The following KCNK4 variants were observed in gnomAD, a reference collection of about 807,000 sequenced individuals.
The protein encoded by KCNK4 is potassium two pore domain channel subfamily K member 4.
KCNK4 carries 22 observed loss-of-function variants against 28.8 expected under a neutral mutation model. The ratio of observed to expected loss-of-function variants is 0.76; its 90% CI spans 0.55 to 1.09. KCNK4 has a LOEUF of 1.09. Among genes scored for constraint, KCNK4 ranks in the 50% least tolerant of loss-of-function variants. The pLI, the probability that KCNK4 is intolerant of heterozygous loss-of-function variation, is 0.00. For synonymous variants in KCNK4, 263 were observed against 252.9 expected (o/e 1.04, Z -0.38); for missense variants, 483 against 546.3 (o/e 0.88, Z 1.15).
At chr11:64,297,331 C>T (rs1363822646) in intron 4 of KCNK4, 52 bp downstream of exon 4, 13 of 1,582,592 alleles carry the variant, frequency 8.2e-6, no homozygotes, top group Non-Finnish European at 1.1e-5. Context: ...GGCTACCCTT[C>T]CCCATGTCCC....
intron 6 of KCNK4, among the ~76,000 whole-genome samples, chr11:64,299,050 GAAAAAAAAAAAAAA>G (rs56097945): frequency 1.2e-5 from 1 of 85,076 alleles, no homozygotes; most frequent in East Asian, 3.9e-4. Flanking sequence ...AAAAAAAGAA[GAAAAAAAAAAAAAA>G]AAAAAAAAAG....
chr11:64,299,261 C>A, intron 6 of KCNK4, 85 bp from the exon 7 acceptor site: 1 of 1,261,582 alleles, frequency 7.9e-7, no homozygotes, highest in Non-Finnish European at 1.1e-6. Context: ...GGGGTTTGAT[C>A]CCTGCTGGTG....
rs769680927 is a variant in KCNK4, at chr11:64,299,680, G to C, written c.1136G>C (p.Arg379Pro). The change falls in exon 7 of 7, where the codon CGG (arginine) becomes CCG (proline). Residue 379 changes from arginine (R) to proline (P), a missense_variant. Coordinates refer to ENST00000422670, the MANE Select transcript of KCNK4 (RefSeq NM_033310.3). ...CCAAATCCCCCCAGGAAGCCCGTGC[G>C]GCCCCGCGGCCCCGGGCGTCCCCGA... is the stretch of plus-strand genomic sequence containing the variant. The part of the protein sequence containing the change: ...RRPNPPRKPV[R>P]PRGPGRPRDK... 5 of 1,580,004 alleles carry C rather than the reference G, an allele frequency of 3.2e-6. No homozygotes were observed. In the Admixed American group the frequency reaches 5.4e-5, roughly 17 times the overall value.
At chr11:64,292,822 G>T in intron 1 of KCNK4, 120 bp from the exon 2 acceptor site, 1 of 1,095,504 alleles carries the variant, frequency 9.1e-7, no homozygotes, top group Non-Finnish European at 1.2e-6. Flanking sequence ...CAGCCAGAGG[G>T]ATGTCTGTGG....
chr11:64,292,798 G>T (rs1396683172), intron 1 of KCNK4, 144 bp from the exon 2 acceptor site: 14 of 849,514 alleles, frequency 1.6e-5, no homozygotes, highest in Non-Finnish European at 2.2e-5. Flanking sequence ...GATAGGAGGG[G>T]GACTGGGTGT....
At chr11:64,292,081 C>A in intron 1 of KCNK4, 1 of 1,096,110 alleles carries the variant, frequency 9.1e-7, no homozygotes, top group Non-Finnish European at 1.1e-6. Context: ...CCCATGGGGG[C>A]CGGGGATGCC....
rs1410096652 is a variant in KCNK4, at chr11:64,299,787, G to C, written c.*61G>C. 6.5e-7 allele frequency: 1 copy of C among 1,536,544 alleles called. No individual in the cohort carries two copies. The highest frequency in any genetic ancestry group is 1.2e-5 in the South Asian group (1 of 84,216). On this transcript the variant is annotated 3_prime_UTR_variant, in exon 7 of 7. Transcript: ENST00000422670. ...GTTTCTGCTCTCCCCGGCATGCCTG[G>C]CTTGTTTGACCAAAGAGCCCTCTTT...
intron 2 of KCNK4, among the ~76,000 whole-genome samples, chr11:64,295,318 G>A (rs1339822745): frequency 2.0e-5 from 3 of 152,178 alleles, no homozygotes; most frequent in Non-Finnish European, 4.4e-5. Context: ...GGATGACCTG[G>A]TGATTGAAAT....
rs2034891309 is a variant in KCNK4, at chr11:64,300,024, C to T, written c.*298C>T. The T allele has an allele frequency of 1.6e-6, 1 of 617,864 alleles. No individual in the cohort carries two copies. The allele number at this position is 617,864 out of a possible 1,614,324, so 38.3% of individuals were successfully genotyped here. ...GGTCTGCACCGCTGCGGGCGTGACG[C>T]TCCCGGACGCGAGTGGGTGTGGAAT... On this transcript the variant is annotated 3_prime_UTR_variant, in exon 7 of 7. Transcript: ENST00000422670.
chr11:64,297,338 T>C, intron 4 of KCNK4, 59 bp downstream of exon 4: 1 of 1,579,910 alleles, frequency 6.3e-7, no homozygotes, highest in Non-Finnish European at 8.6e-7. Flanking sequence ...CTTCCCCATG[T>C]CCCTGGCACA....
chr11:64,298,886 C>A (rs2034846043), intron 6 of KCNK4, among the ~76,000 whole-genome samples: 1 of 151,410 alleles, frequency 6.6e-6, no homozygotes, highest in Non-Finnish European at 1.5e-5. Flanking sequence ...ACTAAAAATA[C>A]AAAAATTACC....
chr11:64,297,593 G>C lies in KCNK4; in HGVS notation c.601G>C (p.Glu201Gln), dbSNP rs946512075. 1 of 1,614,008 alleles carries C rather than the reference G, an allele frequency of 6.2e-7. No homozygotes were observed. Among genetic ancestry groups the C allele is most frequent in the African/African-American group, 1.3e-5 (1 of 74,906 alleles). Residue 201 changes from glutamate (E) to glutamine (Q), a missense_variant, in exon 5 of 7, where the codon GAG (glutamate) becomes CAG (glutamine). Glu to Gln is a conservative substitution (Grantham distance 29). Coordinates refer to ENST00000422670, the MANE Select transcript of KCNK4 (RefSeq NM_033310.3). ...CTATATGGAGGACTGGAGCAAGCTGGAGGCCATCTACTTTGTCATAGTGAC... is the reference window on the plus strand; with the variant it reads ...CTATATGGAGGACTGGAGCAAGCTGCAGGCCATCTACTTTGTCATAGTGAC... ...FCYMEDWSKLEAIYFVIVTLT... is the reference protein window; with the variant it reads ...FCYMEDWSKLQAIYFVIVTLT...
Position 64,292,067 on chromosome 11 carries a change from C to T in KCNK4, c.-78+501C>T. 5.3e-6 allele frequency: 6 copies of T among 1,125,290 alleles called. No individual in the cohort carries two copies. The South Asian group carries it at 8.9e-5, about 17-fold the overall frequency. 69.7% of individuals were successfully genotyped at this position (1,125,290 alleles called of 1,614,324 possible). A position where few individuals can be genotyped will look rare whatever the true frequency, so the allele number is the denominator to read the frequency against. The stretch of plus-strand genomic sequence containing the variant: ...GCTCTGGGTGCCCTGGCGCGGCCGG[C>T]ACGCCCATGGGGGCCGGGGATGCCG... On this transcript the variant is annotated intron_variant, in intron 1 of 6. Coordinates refer to ENST00000422670, the MANE Select transcript of KCNK4 (RefSeq NM_033310.3).
intron 5 of KCNK4, 68 bp from the exon 6 acceptor site, chr11:64,298,042 C>T: frequency 1.9e-6 from 3 of 1,557,174 alleles, no homozygotes; most frequent in Non-Finnish European, 2.6e-6. Flanking sequence ...GGGAGGGGGG[C>T]ACTGAACCAG....
intron 2 of KCNK4, among the ~76,000 whole-genome samples, chr11:64,294,239 C>T (rs972697111): frequency 3.9e-5 from 6 of 152,162 alleles, no homozygotes; most frequent in African/African-American, 7.2e-5. Flanking sequence ...AAGTGTTGGC[C>T]GGGCACGGTG....
chr11:64,297,780 C>A, intron 5 of KCNK4, 127 bp downstream of exon 5: 1 of 952,970 alleles, frequency 1.0e-6, no homozygotes. Flanking sequence ...ATGGAATGCA[C>A]CATCACAGCC....
Position 64,297,482 on chromosome 11 carries a change from C to A in KCNK4, c.490C>A (p.Pro164Thr), listed in dbSNP as rs1015112288. ...CATCCCGCAGAAGTGGCACGTGCCA[C>A]CGGAGCTAGTAAGAGTGCTGTCGGC... ...EAIFLKWHVP[P>T]ELVRVLSAML... Residue 164 changes from proline (P) to threonine (T), a missense_variant, in exon 5 of 7, where the codon CCG (proline) becomes ACG (threonine). Physicochemically the swap from Pro to Thr is conservative, Grantham distance 38. Transcript: ENST00000422670. The A allele has an allele frequency of 1.2e-6, 2 of 1,614,000 alleles. No individual in the cohort carries two copies. The highest frequency in any genetic ancestry group is 3.3e-5 in the Admixed American group (2 of 59,996).
In KCNK4 at chr11:64,297,619, G is replaced by A. The variant is rs150899334; in HGVS notation, c.627G>A (p.Thr209=). 1.6e-5 allele frequency: 26 copies of A among 1,613,142 alleles called. No homozygotes were observed. The African/African-American group carries it at 2.5e-4, about 16-fold the overall frequency. ...AGGCCATCTACTTTGTCATAGTGAC[G>A]CTTACCACCGTGGGCTTTGGCGACT... ...KLEAIYFVIV[T]LTTVGFGDYV... is the part of the protein sequence containing the mutation. Residue 209 remains threonine (T), a synonymous_variant, in exon 5 of 7, where the codon ACG becomes ACA. Coordinates refer to ENST00000422670, the MANE Select transcript of KCNK4 (RefSeq NM_033310.3).
Position 64,299,776 on chromosome 11 carries a change from C to G in KCNK4, c.*50C>G. 1 of 1,537,786 alleles carries G rather than the reference C, an allele frequency of 6.5e-7. No individual in the cohort carries two copies. The highest frequency in any genetic ancestry group is 8.7e-7 in the Non-Finnish European group (1 of 1,147,724). ...TCAAGGGCTTCGTTTCTGCTCTCCC[C>G]GGCATGCCTGGCTTGTTTGACCAAA... On this transcript the variant is annotated 3_prime_UTR_variant, in exon 7 of 7. Transcript: ENST00000422670.
Sources: gnomAD v4.1 joint callset for allele counts (sites outside exome capture counted in the v4.1 genomes callset) on GRCh38, gnomAD v4.1.1 for gene constraint, MANE v1.5 for transcripts, NCBI Gene and HGNC (gene_info 2026-07-23, HGNC 2026-07-21) for gene names.